Variants in CENPF observed in about 807,000 individuals in gnomAD.
CENPF encodes centromere protein F.
CENPF carries 214 observed loss-of-function variants against 307.3 expected under a neutral mutation model. The ratio of observed to expected loss-of-function variants is 0.70; its 90% CI spans 0.62 to 0.78. The LOEUF is 0.78. CENPF is among the 30% of genes least tolerant of loss of function. The pLI, the probability that CENPF is intolerant of heterozygous loss-of-function variation, is 0.00. For missense variants in CENPF, 3,401 were observed against 3,483.9 expected, an observed-to-expected ratio of 0.98 and a Z score of 0.60; for synonymous variants, 1,259 against 1,270.6, an observed-to-expected ratio of 0.99 and a Z score of 0.19.
intron 7 of CENPF, among the ~76,000 whole-genome samples, chr1:214,622,747 T>C (rs1478035659): frequency 5.0e-5 from 6 of 119,832 alleles, no homozygotes; most frequent in African/African-American, 2.2e-4. Flanking sequence ...GGAAAAAAGA[T>C]CGTATATATA....
chr1:214,627,887 G>T (rs1657699292), intron 7 of CENPF, among the ~76,000 whole-genome samples: 1 of 152,164 alleles, frequency 6.6e-6, no homozygotes, highest in Admixed American at 6.5e-5. Context: ...AAATGAAATG[G>T]AATTACTGTA....
At position 214,641,490 on chromosome 1, in the gene CENPF, C is replaced by T; in HGVS notation, c.3152C>T (p.Ser1051Phe). ...QKYKAAQEKN[S>F]KLECLLNECT... Reference sequence around the variant, plus strand: ...TACAAAGCAGCACAGGAAAAGAATTCTAAATTAGAATGCTTGCTAAATGAA... The same window carrying T: ...TACAAAGCAGCACAGGAAAAGAATTTTAAATTAGAATGCTTGCTAAATGAA... Residue 1051 changes from serine to phenylalanine, a missense_variant, in exon 12 of 20, where the codon TCT becomes TTT. Transcript: ENST00000366955. The T allele has an allele frequency of 5.3e-6, 8 of 1,522,514 alleles. No individual in the cohort carries two copies. The highest frequency in any genetic ancestry group is 7.0e-6 in the Non-Finnish European group (8 of 1,142,636). The allele number at this position is 1,522,514 out of a possible 1,614,324, so 94.3% of individuals were successfully genotyped here. A position where few individuals can be genotyped will look rare whatever the true frequency, so the allele number is the denominator to read the frequency against.
At chr1:214,616,620 C>T (rs1299563750) in intron 3 of CENPF, among the ~76,000 whole-genome samples, 2 of 151,954 alleles carry the variant, frequency 1.3e-5, no homozygotes, top group African/African-American at 4.8e-5. Flanking sequence ...ATTAATTTTA[C>T]TTATTTCTCG....
intron 11 of CENPF, among the ~76,000 whole-genome samples, chr1:214,638,769 A>G (rs547321812): frequency 1.3e-5 from 2 of 152,240 alleles, no homozygotes; most frequent in South Asian, 2.1e-4. Context: ...GCGCCACTGC[A>G]CTCCAGCCAG....
chr1:214,620,698 A>C lies in CENPF; in HGVS notation c.617A>C (p.Asp206Ala), dbSNP rs373857309. The change falls in exon 6 of 20, where the codon GAC becomes GCC. Residue 206 changes from aspartate (D) to alanine (A), a missense_variant. Coordinates refer to ENST00000366955, the MANE Select transcript of CENPF (RefSeq NM_016343.4). ...TLPQATMNHRDIARHQASSSV... is the reference protein window; with the variant it reads ...TLPQATMNHRAIARHQASSSV... ...CCACAAGCCACCATGAATCACCGCG[A>C]CATTGCCCGGCATCAGGCTTCATCA... is the stretch of plus-strand genomic sequence containing the variant. 22 of 1,614,058 alleles carry C rather than the reference A, an allele frequency of 1.4e-5. No individual in the cohort carries two copies. Among genetic ancestry groups the C allele is most frequent in the Non-Finnish European group, 1.7e-5 (20 of 1,180,034 alleles).
At chr1:214,649,576 G>A (rs1658406917) in intron 14 of CENPF, among the ~76,000 whole-genome samples, 1 of 152,184 alleles carries the variant, frequency 6.6e-6, no homozygotes, top group Non-Finnish European at 1.5e-5. Flanking sequence ...GTAATATTCT[G>A]TATAAAGAGT....
At chr1:214,613,316 C>T in intron 1 of CENPF, 1 of 255,304 alleles carries the variant, frequency 3.9e-6, no homozygotes, top group South Asian at 5.7e-5. Flanking sequence ...CCACCTCCTA[C>T]CTTTTTCTGG....
intron 10 of CENPF, among the ~76,000 whole-genome samples, chr1:214,635,445 A>G (rs980824623): frequency 1.3e-5 from 2 of 152,206 alleles, no homozygotes; most frequent in African/African-American, 4.8e-5. Context: ...CTTTTCCAGC[A>G]TAGTACCCAA....
intron 11 of CENPF, 46 bp downstream of exon 11, chr1:214,638,047 C>T: frequency 6.5e-7 from 1 of 1,546,724 alleles, no homozygotes; most frequent in Non-Finnish European, 8.7e-7. Context: ...AGCTGCTATT[C>T]CCGTGAGAGG....
chr1:214,661,442 T>A (rs1384286964), intron 19 of CENPF, among the ~76,000 whole-genome samples: 1 of 152,236 alleles, frequency 6.6e-6, no homozygotes, highest in Non-Finnish European at 1.5e-5. Context: ...AAGCAGTTGC[T>A]TAGAAACTCA....
Position 214,622,251 on chromosome 1 carries a change from A to C in CENPF, c.1038A>C (p.Thr346=). 1 of 1,613,948 alleles carries C rather than the reference A, an allele frequency of 6.2e-7. No homozygotes were observed. Among genetic ancestry groups the C allele is most frequent in the Non-Finnish European group, 8.5e-7 (1 of 1,179,964 alleles). Residue 346 remains threonine (T), a synonymous_variant, in exon 7 of 20, where the codon ACA becomes ACC. Transcript: ENST00000366955. ...AATGTAGGGATGAACTAGTGAGAAC[A>C]ACAGCACAATACGACCAGGCGTCAA... ...LNKCRDELVR[T]TAQYDQASTK... is the part of the protein sequence containing the mutation.
rs1397821884 is a variant in CENPF, at chr1:214,608,922, G to A, written c.-41-4792G>A. ...GCCTGGCCCGGCAGGGGAGGGGTGG[G>A]GGTGCTCCGAGTCGCGGGCAGGGGG... is the stretch of plus-strand genomic sequence containing the variant. On this transcript the variant is annotated intron_variant, in intron 1 of 19. Coordinates refer to ENST00000366955, the MANE Select transcript of CENPF (RefSeq NM_016343.4). The A allele has an allele frequency of 5.3e-5, 71 of 1,351,162 alleles. No individual in the cohort carries two copies. The East Asian group carries it at 5.3e-4, about 10-fold the overall frequency. The allele number at this position is 1,351,162 out of a possible 1,614,324, so 83.7% of individuals were successfully genotyped here.
intron 1 of CENPF, chr1:214,605,723 T>C: frequency 6.3e-7 from 1 of 1,593,868 alleles, no homozygotes; most frequent in Non-Finnish European, 8.5e-7. Flanking sequence ...ACGCAGGCCC[T>C]CCAGGTACTG....
At chr1:214,648,950 C>A (rs1264971443) in intron 14 of CENPF, 123 bp downstream of exon 14, 1 of 953,522 alleles carries the variant, frequency 1.0e-6, no homozygotes, top group Non-Finnish European at 1.6e-6. Context: ...AAAAAAATAA[C>A]CCTGTGCTTA....
At position 214,641,274 on chromosome 1, in the gene CENPF, T is replaced by C; in HGVS notation, c.2936T>C (p.Leu979Pro). The change falls in exon 12 of 20, where the codon CTT becomes CCT. Residue 979 changes from leucine to proline, a missense_variant. Transcript: ENST00000366955. ...GAGCTGACCCAAGAGAATGGGACTCTTAAGGAAATTAATGCATCCTTAAAT... is the reference window on the plus strand; with the variant it reads ...GAGCTGACCCAAGAGAATGGGACTCCTAAGGAAATTAATGCATCCTTAAAT... ...IEELTQENGTLKEINASLNQE... is the reference protein window; with the variant it reads ...IEELTQENGTPKEINASLNQE... 2 of 1,603,142 alleles carry C rather than the reference T, an allele frequency of 1.2e-6. No individual in the cohort carries two copies. The highest frequency in any genetic ancestry group is 1.7e-6 in the Non-Finnish European group (2 of 1,177,330).
intron 16 of CENPF, 85 bp downstream of exon 16, chr1:214,653,074 A>G: frequency 7.7e-7 from 1 of 1,298,874 alleles, no homozygotes; most frequent in Non-Finnish European, 1.1e-6. Flanking sequence ...AAACGTTTTC[A>G]TTTTCATTTT....
chr1:214,612,255 T>G (rs568977068), intron 1 of CENPF, among the ~76,000 whole-genome samples: 1 of 152,224 alleles, frequency 6.6e-6, no homozygotes, highest in Non-Finnish European at 1.5e-5. Context: ...TTAGTTATGC[T>G]TATGTGATGA....
intron 14 of CENPF, among the ~76,000 whole-genome samples, chr1:214,649,122 A>C (rs993670258): frequency 3.9e-5 from 6 of 152,210 alleles, no homozygotes; most frequent in Admixed American, 3.9e-4. Context: ...ACAGAAGTAG[A>C]TCTCATGCCG....
intron 7 of CENPF, among the ~76,000 whole-genome samples, chr1:214,628,526 C>T (rs902399327): frequency 6.6e-6 from 1 of 152,188 alleles, no homozygotes; most frequent in African/African-American, 2.4e-5. Context: ...TCACTGCAAC[C>T]CCTGCCTCCT....
Sources: gnomAD v4.1 joint callset for allele counts (sites outside exome capture counted in the v4.1 genomes callset) on GRCh38, gnomAD v4.1.1 for gene constraint, MANE v1.5 for transcripts, NCBI Gene and HGNC (gene_info 2026-07-23, HGNC 2026-07-21) for gene names.